Variants in ITGA8 observed in about 807,000 individuals in gnomAD.
ITGA8 encodes integrin alpha-8.
A neutral mutation model predicts 142.3 loss-of-function variants in ITGA8; 91 were observed. The observed-to-expected ratio is 0.64, with a 90% CI of 0.54 to 0.76. ITGA8 has a LOEUF of 0.76. Ranked by LOEUF, ITGA8 falls within the 30% of genes least tolerant of loss-of-function variation. The pLI is 0.00. For missense variants in ITGA8, 1,406 were observed against 1,327.7 expected, an observed-to-expected ratio of 1.06 and a Z score of -0.92; for synonymous variants, 505 against 485.2, an observed-to-expected ratio of 1.04 and a Z score of -0.54.
rs57868499 is a variant in ITGA8 at position 15,644,433 on chromosome 10, AATAT to A, written c.1208-216_1208-213del. Among the ~76,000 whole-genome samples, 183 of 42,444 alleles carry A rather than the reference AATAT, an allele frequency of 4.3e-3. 3 individuals are homozygous for A. Among genetic ancestry groups the A allele is most frequent in the Non-Finnish European group, 6.2e-3 (151 of 24,366 alleles). 27.8% of individuals were successfully genotyped at this position (42,444 alleles called of 152,430 possible). ...CAGGTGCATACCACCATGTCAGGCT[AATAT>A]ATATATATATATATATATATATATA... On this transcript the variant is annotated intron_variant, in intron 12 of 29. Transcript: ENST00000378076.
At chr10:15,559,565 A>T (rs1469403677) in intron 25 of ITGA8, among the ~76,000 whole-genome samples, 1 of 152,170 alleles carries the variant, frequency 6.6e-6, no homozygotes, top group Non-Finnish European at 1.5e-5. Flanking sequence ...AGGAAAAGAA[A>T]GCTGCAAAAA....
chr10:15,577,462 T>C (rs1005728034), intron 23 of ITGA8, among the ~76,000 whole-genome samples: 1 of 152,146 alleles, frequency 6.6e-6, no homozygotes, highest in Non-Finnish European at 1.5e-5. Flanking sequence ...GCTCCTAAGC[T>C]GCAGTGGTAT....
chr10:15,652,195 A>T (rs537573170), intron 11 of ITGA8, among the ~76,000 whole-genome samples: 114 of 152,332 alleles, frequency 7.5e-4, no homozygotes, highest in African/African-American at 2.7e-3. Context: ...TTAACATGAC[A>T]AATAAAAAGT....
At chr10:15,666,147 T>G (rs1564399205) in intron 8 of ITGA8, among the ~76,000 whole-genome samples, 1 of 152,244 alleles carries the variant, frequency 6.6e-6, no homozygotes, top group African/African-American at 2.4e-5. Context: ...TTCCTACCCA[T>G]GAGCATGGAA....
Position 15,516,914 on chromosome 10 carries a change from G to C in ITGA8, c.*244C>G, listed in dbSNP as rs1315579117. ...CAAGTACAGAACGATTAAAGCAAAAGAAAATCTTCCACAATTGCTGATGGC... is the reference window on the plus strand; with the variant it reads ...CAAGTACAGAACGATTAAAGCAAAACAAAATCTTCCACAATTGCTGATGGC... On this transcript the variant is annotated 3_prime_UTR_variant, in exon 30 of 30. Coordinates refer to ENST00000378076, the MANE Select transcript of ITGA8 (RefSeq NM_003638.3). 2.9e-5 allele frequency: 11 copies of C among 383,550 alleles called. No individual in the cohort carries two copies. In the South Asian group the frequency reaches 3.1e-4, roughly 11 times the overall value. 23.8% of individuals were successfully genotyped at this position (383,550 alleles called of 1,614,324 possible).
intron 15 of ITGA8, among the ~76,000 whole-genome samples, chr10:15,609,932 A>AT (rs972713970): frequency 4.3e-4 from 66 of 152,020 alleles, no homozygotes; most frequent in Non-Finnish European, 2.8e-4. Context: ...ACAAATGAAC[A>AT]TTTTTTTCCT....
intron 28 of ITGA8, among the ~76,000 whole-genome samples, chr10:15,529,953 C>A (rs1290997294): frequency 6.6e-6 from 1 of 152,214 alleles, no homozygotes; most frequent in Non-Finnish European, 1.5e-5. Flanking sequence ...TCTGCAATCA[C>A]ATTTTGAGTA....
At chr10:15,548,901 A>G (rs925220265) in intron 26 of ITGA8, among the ~76,000 whole-genome samples, 1 of 152,134 alleles carries the variant, frequency 6.6e-6, no homozygotes, top group African/African-American at 2.4e-5. Flanking sequence ...TGGGTTCAGC[A>G]AGTCTGGAAG....
At chr10:15,711,011 T>C (rs1368102114) in intron 2 of ITGA8, among the ~76,000 whole-genome samples, 1 of 152,194 alleles carries the variant, frequency 6.6e-6, no homozygotes, top group East Asian at 1.9e-4. Flanking sequence ...CAAATGTTTC[T>C]AAGTAAATAC....
intron 23 of ITGA8, among the ~76,000 whole-genome samples, chr10:15,585,221 G>A (rs543753447): frequency 1.3e-5 from 2 of 152,152 alleles, no homozygotes; most frequent in African/African-American, 4.8e-5. Flanking sequence ...TATATCCCAG[G>A]CAGGATAGCA....
chr10:15,702,731 T>A (rs1362054009), intron 2 of ITGA8, among the ~76,000 whole-genome samples: 1 of 152,224 alleles, frequency 6.6e-6, no homozygotes, highest in Admixed American at 6.5e-5. Flanking sequence ...AAATTCCTTT[T>A]TTCCTTGTTT....
intron 27 of ITGA8, among the ~76,000 whole-genome samples, chr10:15,534,915 C>T (rs970276287): frequency 3.3e-5 from 5 of 152,210 alleles, no homozygotes; most frequent in Non-Finnish European, 7.3e-5. Context: ...GGAGCCCCTT[C>T]CTGGGCTGGC....
intron 8 of ITGA8, 75 bp downstream of exon 8, chr10:15,671,528 T>C (rs1035197414): frequency 6.6e-6 from 8 of 1,211,218 alleles, no homozygotes; most frequent in African/African-American, 3.0e-5. Context: ...ATCACATTGA[T>C]AGAAAAAACT....
chr10:15,676,846 TA>T (rs1454536096), intron 6 of ITGA8, among the ~76,000 whole-genome samples: 1 of 152,052 alleles, frequency 6.6e-6, no homozygotes, highest in African/African-American at 2.4e-5. Context: ...CCGTCTCTAC[TA>T]AAAATACAAA....
intron 27 of ITGA8, among the ~76,000 whole-genome samples, chr10:15,533,198 G>A (rs1247416645): frequency 2.0e-5 from 3 of 151,970 alleles, no homozygotes; most frequent in Admixed American, 6.6e-5. Context: ...TTAGATAAAC[G>A]CTTTTTTCCT....
intron 2 of ITGA8, among the ~76,000 whole-genome samples, chr10:15,706,483 C>G (rs868852203): frequency 3.3e-5 from 5 of 152,120 alleles, no homozygotes; most frequent in African/African-American, 1.2e-4. Flanking sequence ...CTCACTCTGT[C>G]AGGCTGGAGT....
chr10:15,626,727 T>A (rs919449970), intron 13 of ITGA8, among the ~76,000 whole-genome samples: 11 of 152,146 alleles, frequency 7.2e-5, no homozygotes, highest in African/African-American at 2.7e-4. Flanking sequence ...AGTGTCCTTA[T>A]AAGAAGAGGA....
chr10:15,595,416 G>A (rs1832995825), intron 21 of ITGA8, among the ~76,000 whole-genome samples: 4 of 152,058 alleles, frequency 2.6e-5, no homozygotes, highest in Admixed American at 2.6e-4. Flanking sequence ...GTGTTTAAGG[G>A]CACTAAAGAA....
At chr10:15,651,700 A>C (rs570504120) in intron 11 of ITGA8, among the ~76,000 whole-genome samples, 1 of 152,178 alleles carries the variant, frequency 6.6e-6, no homozygotes, top group Non-Finnish European at 1.5e-5. Flanking sequence ...GTTCAAGCCC[A>C]TAAATGTGTG....
Sources: allele counts gnomAD v4.1 joint callset (sites outside exome capture counted in the v4.1 genomes callset), GRCh38; gene constraint gnomAD v4.1.1; transcripts MANE v1.5; gene names NCBI Gene and HGNC (gene_info 2026-07-23, HGNC 2026-07-21).